The following CHN1 variants were observed in gnomAD, a reference collection of about 807,000 sequenced individuals.
The protein encoded by CHN1 is N-chimaerin.
CHN1 carries 37 observed loss-of-function variants against 59.5 expected under a neutral mutation model. That is an observed-to-expected ratio of 0.62 (90% CI 0.48 to 0.82). The LOEUF is 0.82. Among genes scored for constraint, CHN1 ranks in the 40% least tolerant of loss-of-function variants. The pLI is 0.00. For missense variants in CHN1, 469 were observed against 571.0 expected (o/e 0.82, Z 1.82); for synonymous variants, 206 against 200.4 (o/e 1.03, Z -0.24).
At chr2:174,850,638 C>T (rs963701802) in intron 6 of CHN1, among the ~76,000 whole-genome samples, 2 of 152,074 alleles carry the variant, frequency 1.3e-5, no homozygotes, top group Non-Finnish European at 2.9e-5. Context: ...AGGTCCCTGC[C>T]CTCAAGGAGT....
intron 6 of CHN1, chr2:174,875,670 G>T: frequency 3.4e-6 from 1 of 290,370 alleles, no homozygotes; most frequent in Non-Finnish European, 5.1e-6. Context: ...TGGCCTCTGA[G>T]GTAAAGAATT....
At chr2:174,902,766 C>T (rs1052676986) in intron 5 of CHN1, among the ~76,000 whole-genome samples, 1 of 152,140 alleles carries the variant, frequency 6.6e-6, no homozygotes, top group Non-Finnish European at 1.5e-5. Flanking sequence ...TCCTTTTGAT[C>T]CTTCTTCTTT....
chr2:174,836,958 G>C (rs764767367), intron 7 of CHN1, among the ~76,000 whole-genome samples: 20 of 152,308 alleles, frequency 1.3e-4, no homozygotes, highest in Non-Finnish European at 1.8e-4. Flanking sequence ...AAAGAGTTGG[G>C]AAACAGGGTT....
At chr2:174,902,826 C>A (rs1688431433) in intron 5 of CHN1, among the ~76,000 whole-genome samples, 1 of 152,178 alleles carries the variant, frequency 6.6e-6, no homozygotes, top group South Asian at 2.1e-4. Flanking sequence ...ACTGCAAAAG[C>A]CCCTTTATCA....
intron 4 of CHN1, among the ~76,000 whole-genome samples, chr2:174,916,190 A>C (rs1688843779): frequency 6.6e-6 from 1 of 151,970 alleles, no homozygotes; most frequent in Non-Finnish European, 1.5e-5. Flanking sequence ...ATTCATACAA[A>C]CTCTTTCACA....
intron 1 of CHN1, among the ~76,000 whole-genome samples, chr2:174,973,580 G>A (rs1290711530): frequency 1.3e-5 from 2 of 152,222 alleles, no homozygotes; most frequent in East Asian, 3.8e-4. Context: ...GGATGCCTGG[G>A]CACTTCACTT....
At chr2:174,988,426 C>G (rs922432953) in intron 1 of CHN1, among the ~76,000 whole-genome samples, 1 of 151,120 alleles carries the variant, frequency 6.6e-6, no homozygotes, top group Non-Finnish European at 1.5e-5. Flanking sequence ...TCTAAGTTGG[C>G]GTAAGATTTG....
intron 6 of CHN1, among the ~76,000 whole-genome samples, chr2:174,849,425 G>GA (rs1037576611): frequency 2.0e-5 from 3 of 152,218 alleles, no homozygotes; most frequent in Non-Finnish European, 2.9e-5. Flanking sequence ...AGCTTAGGAT[G>GA]AAAACAGCGT....
intron 5 of CHN1, among the ~76,000 whole-genome samples, chr2:174,884,209 GA>G: frequency 6.6e-6 from 1 of 152,038 alleles, no homozygotes; most frequent in South Asian, 2.1e-4. Context: ...CTGACCTCGT[GA>G]TCCACCCACC....
intron 1 of CHN1, among the ~76,000 whole-genome samples, chr2:174,993,619 T>TAAAAAAAAAAA (rs1166867877): frequency 1.1e-5 from 1 of 90,828 alleles, no homozygotes. Flanking sequence ...GTACCAAAAC[T>TAAAAAAAAAAA]AAAAAAAAAA....
At chr2:174,965,361 A>G (rs1351475969) in intron 1 of CHN1, among the ~76,000 whole-genome samples, 1 of 152,112 alleles carries the variant, frequency 6.6e-6, no homozygotes, top group African/African-American at 2.4e-5. Context: ...GTTTAGAATA[A>G]TATTCCTCTG....
chr2:174,998,335 A>C (rs1462380515), intron 1 of CHN1, among the ~76,000 whole-genome samples: 1 of 138,780 alleles, frequency 7.2e-6, no homozygotes, highest in East Asian at 2.0e-4. Context: ...TACGAGATTA[A>C]AAAAAAAAAC....
At chr2:174,857,333 TTTAAG>T (rs1231932950) in intron 6 of CHN1, among the ~76,000 whole-genome samples, 6 of 152,138 alleles carry the variant, frequency 3.9e-5, no homozygotes, top group African/African-American at 1.2e-4. Flanking sequence ...CAGTCCCCTC[TTTAAG>T]TTATTTCTTT....
intron 4 of CHN1, among the ~76,000 whole-genome samples, chr2:174,917,118 A>T (rs1474571301): frequency 3.9e-5 from 6 of 152,100 alleles, no homozygotes; most frequent in African/African-American, 1.4e-4. Flanking sequence ...GCCTGAACCC[A>T]GGAGGTTTTG....
rs144025925 is a variant in CHN1, at chr2:175,003,222, G to A, written c.19+1672C>T. ...CAAGAGTGCTTTGTTTTATAACACAGAAACGTTCACACTGTAACAAACTGG... is the reference window on the plus strand; with the variant it reads ...CAAGAGTGCTTTGTTTTATAACACAAAAACGTTCACACTGTAACAAACTGG... On this transcript the variant is annotated intron_variant, in intron 1 of 12. Transcript: ENST00000409900. 6.4e-3 allele frequency among the ~76,000 whole-genome samples: 970 copies of A among 152,328 alleles called. 14 individuals are homozygous for A. Among genetic ancestry groups the A allele is most frequent in the African/African-American group, 0.022 (922 of 41,572 alleles).
At chr2:174,898,309 T>C (rs942292319) in intron 5 of CHN1, among the ~76,000 whole-genome samples, 2 of 151,852 alleles carry the variant, frequency 1.3e-5, no homozygotes, top group Non-Finnish European at 2.9e-5. Flanking sequence ...GGGTAAGAAA[T>C]TGTCACTTCT....
intron 6 of CHN1, among the ~76,000 whole-genome samples, chr2:174,858,537 C>T (rs1686973465): frequency 6.6e-6 from 1 of 152,092 alleles, no homozygotes; most frequent in African/African-American, 2.4e-5. Flanking sequence ...TTTGTAATGA[C>T]TCTGCTATAC....
Position 175,004,926 on chromosome 2 carries a change from G to A in CHN1, c.-14C>T. On this transcript the variant is annotated 5_prime_UTR_variant, in exon 1 of 13. Transcript: ENST00000409900. ...GGTCAGGGCCATTGTAAAGGCGCTC[G>A]CCGCCGCCCGCGAGTCCAGGCGCTC... 1.2e-5 allele frequency: 19 copies of A among 1,531,122 alleles called. No individual in the cohort carries two copies. The highest frequency in any genetic ancestry group is 1.5e-5 in the Non-Finnish European group (17 of 1,142,980). The allele number at this position is 1,531,122 out of a possible 1,614,324, so 94.8% of individuals were successfully genotyped here.
rs183510619 is a variant in CHN1 at position 174,997,803 on chromosome 2, G to A, written c.19+7091C>T. On this transcript the variant is annotated intron_variant, in intron 1 of 12. Transcript: ENST00000409900. ...TCCCAGCACTTTGGGAGACCGAGGC[G>A]GGAGGATCACGAGGTCAGGAGTTCG... 6.2e-4 allele frequency among the ~76,000 whole-genome samples: 94 copies of A among 152,164 alleles called. 1 individual carries two copies. The highest frequency in any genetic ancestry group is 1.0e-3 in the South Asian group (5 of 4,804).
Sources: gnomAD v4.1 joint callset for allele counts (sites outside exome capture counted in the v4.1 genomes callset) on GRCh38, gnomAD v4.1.1 for gene constraint, MANE v1.5 for transcripts, NCBI Gene and HGNC (gene_info 2026-07-23, HGNC 2026-07-21) for gene names.